Variants in EP400 observed in about 807,000 individuals in gnomAD.
EP400 encodes the protein E1A-binding protein p400.
A neutral mutation model predicts 354.1 loss-of-function variants in EP400; 105 were observed. The observed-to-expected ratio is 0.30, with a 90% CI of 0.25 to 0.35. The LOEUF (loss-of-function observed/expected upper bound fraction) is 0.35. EP400 is among the 10% of genes least tolerant of loss of function. EP400 has a pLI of 1.00. For synonymous variants in EP400, 1,646 were observed against 1,716.9 expected, an observed-to-expected ratio of 0.96 and a Z score of 1.02; for missense variants, 3,280 against 4,121.0, an observed-to-expected ratio of 0.80 and a Z score of 5.59.
intron 51 of EP400, chr12:132,076,224 T>C (rs917757132): frequency 1.5e-5 from 7 of 468,742 alleles, no homozygotes; most frequent in African/African-American, 7.9e-5. Flanking sequence ...GATTCTTTCA[T>C]ATAAACTTGC....
At chr12:131,959,875 C>A (rs1448381605) in intron 1 of EP400, among the ~76,000 whole-genome samples, 8 of 152,258 alleles carry the variant, frequency 5.3e-5, no homozygotes, top group Non-Finnish European at 1.0e-4. Context: ...TCTCTACTCT[C>A]CTGCAGTAGC....
intron 30 of EP400, among the ~76,000 whole-genome samples, chr12:132,035,897 AGGG>A (rs1894686247): frequency 6.9e-6 from 1 of 145,486 alleles, no homozygotes. Flanking sequence ...ACGTCGTGGA[AGGG>A]CACACCCAGG....
chr12:132,069,982 T>C (rs1896022858), intron 51 of EP400, among the ~76,000 whole-genome samples: 1 of 152,206 alleles, frequency 6.6e-6, no homozygotes, highest in Non-Finnish European at 1.5e-5. Context: ...TTTGATATTT[T>C]TTGATATTTC....
intron 15 of EP400, among the ~76,000 whole-genome samples, chr12:132,010,951 C>T (rs551522346): frequency 1.3e-5 from 2 of 152,136 alleles, no homozygotes; most frequent in African/African-American, 4.8e-5. Flanking sequence ...TTAAAAAAAA[C>T]AAAATCTTAG....
chr12:131,988,461 G>A (rs1294728242), intron 7 of EP400, among the ~76,000 whole-genome samples: 3 of 152,180 alleles, frequency 2.0e-5, no homozygotes, highest in Admixed American at 2.0e-4. Context: ...GAGTTAGAAG[G>A]CACCTGGTAT....
intron 34 of EP400, 84 bp from the exon 35 acceptor site, chr12:132,044,093 A>G (rs1397805759): frequency 4.5e-6 from 7 of 1,565,648 alleles, no homozygotes; most frequent in Non-Finnish European, 6.1e-6. Flanking sequence ...GCTCTGAGAC[A>G]ACAGGGAAAC....
Position 131,989,842 on chromosome 12 carries a change from A to T in EP400, c.2410-122A>T. 2.8e-6 allele frequency: 3 copies of T among 1,088,102 alleles called. No homozygotes were observed. In the East Asian group the frequency reaches 8.0e-5, roughly 29 times the overall value. 67.4% of individuals were successfully genotyped at this position (1,088,102 alleles called of 1,614,324 possible). A position where few individuals can be genotyped will look rare whatever the true frequency, so the allele number is the denominator to read the frequency against. On this transcript the variant is annotated intron_variant, in intron 7 of 52. Coordinates refer to ENST00000389561, the MANE Select transcript of EP400 (RefSeq NM_015409.5). ...TAATCCACCCTAAGAGCATACGAGGATGTATATGACAGTGAATTGTATGTA... is the reference window on the plus strand; with the variant it reads ...TAATCCACCCTAAGAGCATACGAGGTTGTATATGACAGTGAATTGTATGTA...
chr12:132,048,402 G>A (rs1487090811), intron 39 of EP400, among the ~76,000 whole-genome samples: 1 of 152,072 alleles, frequency 6.6e-6, no homozygotes, highest in South Asian at 2.1e-4. Flanking sequence ...CCATGGCTTC[G>A]GCCAGTCCCT....
At chr12:132,051,552 TAG>T (rs1030400565) in intron 41 of EP400, among the ~76,000 whole-genome samples, 16 of 152,096 alleles carry the variant, frequency 1.1e-4, no homozygotes, top group Non-Finnish European at 1.6e-4. Context: ...GCAGCCGAGG[TAG>T]AGAGAGAAGG....
At chr12:131,991,278 A>C (rs1051133813) in intron 9 of EP400, 129 bp from the exon 10 acceptor site, 116 of 820,338 alleles carry the variant, frequency 1.4e-4, no homozygotes, top group Admixed American at 3.8e-5. Context: ...GATGATGAGG[A>C]GGCAGAACTC....
intron 32 of EP400, among the ~76,000 whole-genome samples, chr12:132,040,778 G>T (rs1460449024): frequency 6.6e-6 from 1 of 152,366 alleles, no homozygotes; most frequent in East Asian, 1.9e-4. Flanking sequence ...GGCTGAGGGG[G>T]TGGGGAGGGT....
chr12:132,011,491 T>A lies in EP400; in HGVS notation c.3305-7T>A, dbSNP rs745886516. 1.2e-6 allele frequency: 2 copies of A among 1,611,648 alleles called. No homozygotes were observed. The highest frequency in any genetic ancestry group is 1.7e-6 in the Non-Finnish European group (2 of 1,179,362). ...TGACGTGGAAAATTCTGTTTTTTGC[T>A]TTGTAGGTAATTGGGGCCCCCATCT... On this transcript the variant is annotated splice_polypyrimidine_tract_variant and splice_region_variant and intron_variant, in intron 15 of 52. Coordinates refer to ENST00000389561, the MANE Select transcript of EP400 (RefSeq NM_015409.5).
At position 131,961,891 on chromosome 12, in the gene EP400, C is replaced by T; in HGVS notation, c.1272C>T (p.Asp424=). 6.2e-7 allele frequency: 1 copy of T among 1,613,976 alleles called. No homozygotes were observed. Among genetic ancestry groups the T allele is most frequent in the South Asian group, 1.1e-5 (1 of 91,072 alleles). Residue 424 remains aspartate (D), a synonymous_variant, in exon 2 of 53, where the codon GAC becomes GAT. Coordinates refer to ENST00000389561, the MANE Select transcript of EP400 (RefSeq NM_015409.5). The stretch of plus-strand genomic sequence containing the variant: ...CATATCTTAGGCAGAATGATTTGGA[C>T]ATTGAAGAAGAGGAGGAGGAGGAGG... ...LQAYLRQNDL[D]IEEEEEEEEE... is the part of the protein sequence containing the mutation.
intron 1 of EP400, among the ~76,000 whole-genome samples, chr12:131,950,919 A>C (rs1470056356): frequency 6.6e-6 from 1 of 151,340 alleles, no homozygotes; most frequent in Non-Finnish European, 1.5e-5. Flanking sequence ...TTTTCTTTTG[A>C]GAAAGAGTCT....
chr12:132,025,844 C>T lies in EP400; in HGVS notation c.5014+40C>T. 1 of 1,527,186 alleles carries T rather than the reference C, an allele frequency of 6.5e-7. No individual in the cohort carries two copies. 94.6% of individuals were successfully genotyped at this position (1,527,186 alleles called of 1,614,324 possible). On this transcript the variant is annotated intron_variant, in intron 25 of 52. Transcript: ENST00000389561. This position sits in a 1 kb window ranked among gnomAD's most constrained non-coding sequence, Gnocchi z 4.1. Reference sequence around the variant, plus strand: ...GCAGGAGGGAGACTTGGCTTGGATGCTTCTTTCTCTTCCATCTAAGGCGAG... The same window carrying T: ...GCAGGAGGGAGACTTGGCTTGGATGTTTCTTTCTCTTCCATCTAAGGCGAG...
At position 131,966,938 on chromosome 12, in the gene EP400, G is replaced by A. The variant is rs560335446; in HGVS notation, c.1335+4984G>A. 9.6e-4 allele frequency among the ~76,000 whole-genome samples: 142 copies of A among 147,382 alleles called. 2 individuals carry two copies. Among genetic ancestry groups the A allele is most frequent in the Non-Finnish European group, 6.0e-4 (40 of 66,848 alleles). ...AAAAAAAAAAAAACCTATGTGTAGTGATACACACCTGTAGTAGTCCCAGCT... is the reference window on the plus strand; with the variant it reads ...AAAAAAAAAAAAACCTATGTGTAGTAATACACACCTGTAGTAGTCCCAGCT... On this transcript the variant is annotated intron_variant, in intron 2 of 52. Coordinates refer to ENST00000389561, the MANE Select transcript of EP400 (RefSeq NM_015409.5).
chr12:131,996,550 C>G (rs1030031153), intron 12 of EP400, among the ~76,000 whole-genome samples: 2 of 152,152 alleles, frequency 1.3e-5, no homozygotes, highest in South Asian at 4.1e-4. Context: ...CTCAGCCTCC[C>G]GAAGTGCTGG....
In EP400 at chr12:132,079,457, C is replaced by G. The variant is rs1035542359; in HGVS notation, c.*1784C>G. The G allele has an allele frequency of 6.6e-6, 1 of 152,268 alleles. No homozygotes were observed. Among genetic ancestry groups the G allele is most frequent in the Non-Finnish European group, 1.5e-5 (1 of 68,050 alleles). 9.4% of individuals were successfully genotyped at this position (152,268 alleles called of 1,614,324 possible). ...GTGGAAACTTTTACTCCTCCTCATC[C>G]GCAGATGTGATAGAACTGAAGTATC... On this transcript the variant is annotated 3_prime_UTR_variant, in exon 53 of 53. Coordinates refer to ENST00000389561, the MANE Select transcript of EP400 (RefSeq NM_015409.5).
chr12:132,024,147 TAA>T (rs1894218212), intron 24 of EP400, among the ~76,000 whole-genome samples: 1 of 152,248 alleles, frequency 6.6e-6, no homozygotes, highest in Non-Finnish European at 1.5e-5. Context: ...GCGTGTCAGA[TAA>T]ACAACAGGCA....
Sources: gnomAD v4.1 joint callset for allele counts (sites outside exome capture counted in the v4.1 genomes callset) on GRCh38, gnomAD v4.1.1 for gene constraint, Gnocchi (gnomAD v3.1) non-coding constraint, MANE v1.5 for transcripts, NCBI Gene and HGNC (gene_info 2026-07-23, HGNC 2026-07-21) for gene names.